The following DYNC1I1 variants were observed in gnomAD, a reference collection of about 807,000 sequenced individuals.
DYNC1I1 encodes cytoplasmic dynein 1 intermediate chain 1.
A neutral mutation model predicts 86.6 loss-of-function variants in DYNC1I1; 43 were observed. The observed-to-expected ratio is 0.50, with a 90% CI of 0.39 to 0.64. DYNC1I1 has a LOEUF of 0.64. Among genes scored for constraint, DYNC1I1 ranks in the 30% least tolerant of loss-of-function variants. The pLI, the probability that DYNC1I1 is intolerant of heterozygous loss-of-function variation, is 0.00. For synonymous variants in DYNC1I1, 262 were observed against 283.7 expected, an observed-to-expected ratio of 0.92 and a Z score of 0.77; for missense variants, 604 against 788.8, an observed-to-expected ratio of 0.77 and a Z score of 2.81.
intron 1 of DYNC1I1, among the ~76,000 whole-genome samples, chr7:95,780,310 C>T (rs1302959947): frequency 1.3e-5 from 2 of 151,890 alleles, no homozygotes; most frequent in Non-Finnish European, 2.9e-5. Flanking sequence ...CTCTGTCGCC[C>T]AGGCTGGAGT....
At chr7:96,104,743 A>G (rs900422789) in intron 16 of DYNC1I1, among the ~76,000 whole-genome samples, 1 of 152,068 alleles carries the variant, frequency 6.6e-6, no homozygotes, top group African/African-American at 2.4e-5. Flanking sequence ...ATCTATTCTT[A>G]TATGATATCA....
intron 10 of DYNC1I1, among the ~76,000 whole-genome samples, chr7:95,998,604 A>G (rs2115774063): frequency 6.6e-6 from 1 of 152,366 alleles, no homozygotes; most frequent in African/African-American, 2.4e-5. Flanking sequence ...GTGCTTCCGC[A>G]TTCTCCTGTG....
At chr7:96,096,869 T>G (rs1207864304) in intron 16 of DYNC1I1, among the ~76,000 whole-genome samples, 2 of 152,126 alleles carry the variant, frequency 1.3e-5, no homozygotes, top group East Asian at 3.9e-4. Flanking sequence ...ATAGGATTAT[T>G]ATGACGAATG....
chr7:95,847,291 A>G (rs914901685), intron 5 of DYNC1I1, among the ~76,000 whole-genome samples: 3 of 152,062 alleles, frequency 2.0e-5, no homozygotes, highest in African/African-American at 7.2e-5. Context: ...CCAAATCTCC[A>G]CACTTCGTTA....
Position 95,963,391 on chromosome 7 carries a change from G to T in DYNC1I1, c.491-14121G>T, listed in dbSNP as rs578215915. Among the ~76,000 whole-genome samples the T allele has an allele frequency of 3.9e-5, 6 of 152,208 alleles. No homozygotes were observed. In the East Asian group the frequency reaches 1.2e-3, roughly 29 times the overall value. On this transcript the variant is annotated intron_variant, in intron 6 of 16. Transcript: ENST00000447467. ...ATTTGTGTGGCCATCATAAAGTTTAGCCTATGCCTTCAATATACCGCGTTT... is the reference window on the plus strand; with the variant it reads ...ATTTGTGTGGCCATCATAAAGTTTATCCTATGCCTTCAATATACCGCGTTT...
At chr7:95,861,659 G>T (rs2633934) in intron 5 of DYNC1I1, among the ~76,000 whole-genome samples, 110,522 of 151,994 alleles carry the variant, frequency 0.73, 41,714 homozygotes, top group Non-Finnish European at 0.84. Flanking sequence ...CGCAGAAACA[G>T]CAAGTTGGCT....
intron 5 of DYNC1I1, among the ~76,000 whole-genome samples, chr7:95,842,443 G>A (rs937227414): frequency 6.6e-6 from 1 of 152,186 alleles, no homozygotes; most frequent in African/African-American, 2.4e-5. Context: ...GGTGATAGAC[G>A]TGGGGCTTTG....
At chr7:95,789,245 T>G (rs1030804656) in intron 1 of DYNC1I1, among the ~76,000 whole-genome samples, 17 of 152,200 alleles carry the variant, frequency 1.1e-4, no homozygotes, top group African/African-American at 4.1e-4. Flanking sequence ...GATGGGTATT[T>G]GCTTTCTAAA....
At position 96,035,631 on chromosome 7, in the gene DYNC1I1, C is replaced by A; in HGVS notation, c.1243C>A (p.Leu415Met). Reference protein sequence around the residue: ...MLSTPQESMELVYNKSKPVAV... With the variant: ...MLSTPQESMEMVYNKSKPVAV... Reference sequence around the variant, plus strand: ...CGTGTTTTGGTAGGAGAGCATGGAGCTGGTGTACAATAAGTCCAAGCCTGT... The same window carrying A: ...CGTGTTTTGGTAGGAGAGCATGGAGATGGTGTACAATAAGTCCAAGCCTGT... The change falls in exon 13 of 17, where the codon CTG (leucine) becomes ATG (methionine). Residue 415 changes from leucine to methionine, a missense_variant. Transcript: ENST00000447467. 5 of 1,596,390 alleles carry A rather than the reference C, an allele frequency of 3.1e-6. No individual in the cohort carries two copies. Among genetic ancestry groups the A allele is most frequent in the Non-Finnish European group, 4.3e-6 (5 of 1,173,428 alleles).
At chr7:95,964,020 A>C (rs552081011) in intron 6 of DYNC1I1, among the ~76,000 whole-genome samples, 1 of 152,300 alleles carries the variant, frequency 6.6e-6, no homozygotes, top group Non-Finnish European at 1.5e-5. Flanking sequence ...TTCATATTTG[A>C]GCCAATGGGA....
At chr7:95,835,931 G>T (rs1266368018) in intron 5 of DYNC1I1, among the ~76,000 whole-genome samples, 3 of 152,092 alleles carry the variant, frequency 2.0e-5, no homozygotes. Flanking sequence ...TATCCAATTT[G>T]CCAGTCTGTA....
chr7:96,064,201 A>T (rs191158324), intron 14 of DYNC1I1, among the ~76,000 whole-genome samples: 63 of 140,410 alleles, frequency 4.5e-4, no homozygotes, highest in African/African-American at 1.7e-3. Flanking sequence ...CATGGAAAGA[A>T]ATATTCATAT....
At chr7:95,787,007 A>G (rs1794166344) in intron 1 of DYNC1I1, among the ~76,000 whole-genome samples, 1 of 152,182 alleles carries the variant, frequency 6.6e-6, no homozygotes, top group Non-Finnish European at 1.5e-5. Context: ...AGTTAGCTAT[A>G]CAGATGGGCA....
At chr7:95,901,169 C>T (rs995954680) in intron 6 of DYNC1I1, among the ~76,000 whole-genome samples, 1 of 152,136 alleles carries the variant, frequency 6.6e-6, no homozygotes, top group African/African-American at 2.4e-5. Context: ...TGATTTTAGG[C>T]CTAGATAACT....
intron 6 of DYNC1I1, among the ~76,000 whole-genome samples, chr7:95,930,469 C>T (rs1791862307): frequency 6.6e-6 from 1 of 152,198 alleles, no homozygotes; most frequent in Non-Finnish European, 1.5e-5. Context: ...TGTCTATGTA[C>T]TGTCCACCGC....
intron 6 of DYNC1I1, among the ~76,000 whole-genome samples, chr7:95,964,714 G>A (rs12534478): frequency 0.38 from 58,374 of 152,016 alleles, 12,082 homozygotes; most frequent in Non-Finnish European, 0.47. Context: ...ACAAGTGAAG[G>A]TGAAGGGAAA....
At position 95,906,839 on chromosome 7, in the gene DYNC1I1, A is replaced by C. The variant is rs1443116249; in HGVS notation, c.490+36841A>C. Among the ~76,000 whole-genome samples, 3 of 152,176 alleles carry C rather than the reference A, an allele frequency of 2.0e-5. No individual in the cohort carries two copies. In the East Asian group the frequency reaches 5.8e-4, roughly 29 times the overall value. ...TTGTGACAAACAGAGGTCTCAGGAC[A>C]CACATTGGGCAGCCCAGTCTTCATT... On this transcript the variant is annotated intron_variant, in intron 6 of 16. Transcript: ENST00000447467.
intron 14 of DYNC1I1, among the ~76,000 whole-genome samples, chr7:96,044,316 G>A (rs905379953): frequency 6.6e-6 from 1 of 152,204 alleles, no homozygotes; most frequent in African/African-American, 2.4e-5. Context: ...TATGTCCATT[G>A]TATTTAGCAA....
chr7:95,938,231 A>G (rs1251379131), intron 6 of DYNC1I1, among the ~76,000 whole-genome samples: 2 of 152,210 alleles, frequency 1.3e-5, no homozygotes, highest in Non-Finnish European at 2.9e-5. Context: ...TTGGTTGCAT[A>G]TCTTTGCTCA....
Sources: allele counts gnomAD v4.1 joint callset (sites outside exome capture counted in the v4.1 genomes callset), GRCh38; gene constraint gnomAD v4.1.1; transcripts MANE v1.5; gene names NCBI Gene and HGNC (gene_info 2026-07-23, HGNC 2026-07-21).